The following ACSL5 variants were observed in gnomAD, a reference collection of about 807,000 sequenced individuals.
ACSL5 encodes long-chain-fatty-acid--CoA ligase 5.
Under a neutral mutation model 84.9 loss-of-function variants are expected in ACSL5, and 50 were observed. The ratio of observed to expected loss-of-function variants is 0.59; its 90% CI spans 0.47 to 0.75. The LOEUF (loss-of-function observed/expected upper bound fraction) is 0.75. ACSL5 is among the 30% of genes least tolerant of loss of function. The pLI is 0.00. For missense variants in ACSL5, 775 were observed against 830.4 expected, an observed-to-expected ratio of 0.93 and a Z score of 0.82; for synonymous variants, 280 against 300.7, an observed-to-expected ratio of 0.93 and a Z score of 0.71.
At chr10:112,390,514 G>C (rs1849536680) in intron 1 of ACSL5, among the ~76,000 whole-genome samples, 1 of 152,142 alleles carries the variant, frequency 6.6e-6, no homozygotes, top group Non-Finnish European at 1.5e-5. Flanking sequence ...CATTGACTCA[G>C]CAATTTCTCT....
At chr10:112,418,064 C>A in intron 14 of ACSL5, 123 bp downstream of exon 14, 1 of 759,174 alleles carries the variant, frequency 1.3e-6, no homozygotes, top group South Asian at 2.0e-5. Context: ...TTCTCAAAAT[C>A]CAAAGAAAAT....
intron 1 of ACSL5, 98 bp downstream of exon 1, chr10:112,374,367 C>T (rs1427127359): frequency 6.6e-6 from 1 of 152,060 alleles, no homozygotes; most frequent in Non-Finnish European, 1.5e-5. Flanking sequence ...TTGTTATGCT[C>T]AACCTAAGGC....
At chr10:112,381,043 T>G (rs1050408026) in intron 1 of ACSL5, among the ~76,000 whole-genome samples, 2 of 152,164 alleles carry the variant, frequency 1.3e-5, no homozygotes, top group East Asian at 3.8e-4. Context: ...GTGCAGAGAT[T>G]ACAGGGATGG....
rs530194941 is a variant in ACSL5, at chr10:112,404,749, A to G, written c.375A>G (p.Lys125=). ...AEYLGSCLLH[K]GYKSSPDQFV... is the part of the protein sequence containing the mutation. ...ACCTGGGTTCCTGTCTCTTGCATAA[A>G]GGTTATAAATCATCACCAGACCAGT... is the stretch of plus-strand genomic sequence containing the variant. The change falls in exon 5 of 21, where the codon AAA becomes AAG. Residue 125 remains lysine, a synonymous_variant. Transcript: ENST00000354655. The G allele has an allele frequency of 3.7e-6, 6 of 1,614,030 alleles. No individual in the cohort carries two copies. The South Asian group carries it at 5.5e-5, about 15-fold the overall frequency.
intron 3 of ACSL5, among the ~76,000 whole-genome samples, chr10:112,399,935 C>T (rs780098605): frequency 2.0e-5 from 3 of 152,188 alleles, no homozygotes; most frequent in Non-Finnish European, 2.9e-5. Context: ...ATAGGAAAAT[C>T]TAAGTGTGTC....
At chr10:112,409,408 T>C (rs1192606603) in intron 6 of ACSL5, 99 bp from the exon 7 acceptor site, 1 of 1,047,192 alleles carries the variant, frequency 9.5e-7, no homozygotes, top group Non-Finnish European at 1.4e-6. Flanking sequence ...TTTGGACACC[T>C]GTTAGCTTTG....
intron 1 of ACSL5, among the ~76,000 whole-genome samples, chr10:112,378,987 C>CTGGG (rs1849296557): frequency 6.6e-6 from 1 of 152,178 alleles, no homozygotes; most frequent in South Asian, 2.1e-4. Context: ...CTTCATGGGC[C>CTGGG]ATTCTATTCT....
rs965156582 is a variant in ACSL5, at chr10:112,426,146, G to A, written c.1738-112G>A. 3 of 806,776 alleles carry A rather than the reference G, an allele frequency of 3.7e-6. No homozygotes were observed. In the East Asian group the frequency reaches 7.8e-5, roughly 21 times the overall value. The allele number at this position is 806,776 out of a possible 1,614,324, so 50.0% of individuals were successfully genotyped here. ...AAAAGAACACTAGTACTGGATTTAA[G>A]GTTTTGGGGAAATAACTATTACAAT... On this transcript the variant is annotated intron_variant, in intron 18 of 20. Coordinates refer to ENST00000354655, the MANE Select transcript of ACSL5 (RefSeq NM_203379.2).
intron 1 of ACSL5, among the ~76,000 whole-genome samples, chr10:112,393,974 G>A (rs191515359): frequency 2.6e-5 from 4 of 152,302 alleles, no homozygotes; most frequent in Admixed American, 6.5e-5. Flanking sequence ...GAGTGCTCAT[G>A]TGTTTGCTGC....
At chr10:112,424,397 G>A (rs535683291) in intron 17 of ACSL5, 4 of 152,230 alleles carry the variant, frequency 2.6e-5, no homozygotes, top group Non-Finnish European at 5.9e-5. Context: ...TTTAAGGAAT[G>A]CTTGACAATG....
chr10:112,422,072 T>C (rs761935327), intron 16 of ACSL5, 37 bp downstream of exon 16: 9 of 1,601,888 alleles, frequency 5.6e-6, no homozygotes, highest in Non-Finnish European at 7.7e-6. Flanking sequence ...ACAGTCATGG[T>C]GGGGAGGTTT....
chr10:112,411,674 C>A (rs1844182037), intron 10 of ACSL5, 145 bp downstream of exon 10: 1 of 893,458 alleles, frequency 1.1e-6, no homozygotes, highest in Non-Finnish European at 1.7e-6. Flanking sequence ...TGGACAAACA[C>A]CAGCGTGTTC....
chr10:112,410,310 C>T, intron 7 of ACSL5, 153 bp from the exon 8 acceptor site: 1 of 1,548,966 alleles, frequency 6.5e-7, no homozygotes, highest in Non-Finnish European at 8.7e-7. Context: ...TTCCATTGTT[C>T]CTGAATGTTG....
Position 112,375,694 on chromosome 10 carries a change from C to T in ACSL5, c.-30+1425C>T, listed in dbSNP as rs115802821. The stretch of plus-strand genomic sequence containing the variant: ...CTGGTAATACTGGGGGTGACCAAGG[C>T]GAAAGAATCGATTTTTAAGTTAAGT... On this transcript the variant is annotated intron_variant, in intron 1 of 20. Transcript: ENST00000354655. 3.4e-3 allele frequency among the ~76,000 whole-genome samples: 512 copies of T among 152,136 alleles called. 4 individuals carry two copies. The highest frequency in any genetic ancestry group is 0.011 in the African/African-American group (471 of 41,490).
chr10:112,388,082 G>A (rs1849489495), intron 1 of ACSL5, among the ~76,000 whole-genome samples: 1 of 151,964 alleles, frequency 6.6e-6, no homozygotes, highest in Non-Finnish European at 1.5e-5. Flanking sequence ...GGGATTACAG[G>A]CATGCGCCAC....
At chr10:112,393,033 T>C (rs139579522) in intron 1 of ACSL5, among the ~76,000 whole-genome samples, 316 of 152,286 alleles carry the variant, frequency 2.1e-3, no homozygotes, top group Non-Finnish European at 3.3e-3. Flanking sequence ...CCTTTGGTAC[T>C]GCCACCTGCT....
At chr10:112,417,646 G>A (rs1844349337) in intron 13 of ACSL5, among the ~76,000 whole-genome samples, 200 bp from the exon 14 acceptor site, 1 of 152,222 alleles carries the variant, frequency 6.6e-6, no homozygotes, top group Non-Finnish European at 1.5e-5. Flanking sequence ...GCTATGGATA[G>A]TGATGACAAT....
chr10:112,396,926 G>A (rs994420698), intron 2 of ACSL5, among the ~76,000 whole-genome samples: 1 of 152,186 alleles, frequency 6.6e-6, no homozygotes, highest in Non-Finnish European at 1.5e-5. Flanking sequence ...CCTAGACTAA[G>A]TCAGATCTCT....
chr10:112,413,587 T>G (rs1299889290), intron 12 of ACSL5, among the ~76,000 whole-genome samples: 1 of 152,030 alleles, frequency 6.6e-6, no homozygotes, highest in African/African-American at 2.4e-5. Context: ...TTAGCTGGAC[T>G]GGTGGGGAGC....
Sources: gnomAD v4.1 joint callset for allele counts (sites outside exome capture counted in the v4.1 genomes callset) on GRCh38, gnomAD v4.1.1 for gene constraint, MANE v1.5 for transcripts, NCBI Gene and HGNC (gene_info 2026-07-23, HGNC 2026-07-21) for gene names.